The following TLN1 variants were observed in gnomAD, a reference collection of about 807,000 sequenced individuals.
The protein encoded by TLN1 is talin 1, also known as talin-1.
In TLN1, 56 loss-of-function variants were observed where a neutral mutation model predicts 292.3. That is an observed-to-expected ratio of 0.19 (90% CI 0.15 to 0.24). The LOEUF is 0.24. TLN1 is among the 10% of genes least tolerant of loss of function. TLN1 has a pLI of 1.00. For missense variants in TLN1, 2,433 were observed against 3,248.2 expected, an observed-to-expected ratio of 0.75 and a Z score of 6.10; for synonymous variants, 1,119 against 1,253.7, an observed-to-expected ratio of 0.89 and a Z score of 2.27.
In TLN1 at chr9:35,703,768, C is replaced by A; in HGVS notation, c.6357+7G>T. 1 of 1,614,216 alleles carries A rather than the reference C, an allele frequency of 6.2e-7. No individual in the cohort carries two copies. The highest frequency in any genetic ancestry group is 8.5e-7 in the Non-Finnish European group (1 of 1,180,042). ...CCCCTCCTGATGTTGCTCTCATTCTCTCCAACCTTGGCAGAGTTCTTTAGC... is the reference window on the plus strand; with the variant it reads ...CCCCTCCTGATGTTGCTCTCATTCTATCCAACCTTGGCAGAGTTCTTTAGC... On this transcript the variant is annotated splice_region_variant and intron_variant, in intron 47 of 56. Coordinates refer to ENST00000314888, the MANE Select transcript of TLN1 (RefSeq NM_006289.4).
chr9:35,698,237 A>G lies in TLN1; in HGVS notation c.7372-65T>C. 1 of 1,609,348 alleles carries G rather than the reference A, an allele frequency of 6.2e-7. No individual in the cohort carries two copies. Among genetic ancestry groups the G allele is most frequent in the Non-Finnish European group, 8.5e-7 (1 of 1,176,528 alleles). On this transcript the variant is annotated intron_variant, in intron 55 of 56. Coordinates refer to ENST00000314888, the MANE Select transcript of TLN1 (RefSeq NM_006289.4). This position sits in a 1 kb window ranked among gnomAD's most constrained non-coding sequence, Gnocchi z 5.3. ...ACGGTCCCAGTTGAGACAGTACCTC[A>G]ATTCTCTCATAGAAACATACATCTC... is the stretch of plus-strand genomic sequence containing the variant.
chr9:35,709,211 C>T (rs1361131025), intron 33 of TLN1, among the ~76,000 whole-genome samples: 2 of 152,224 alleles, frequency 1.3e-5, no homozygotes, highest in Non-Finnish European at 2.9e-5. Flanking sequence ...AGGAGAATCA[C>T]TTGAACCCGG....
chr9:35,722,340 T>TA lies in TLN1; in HGVS notation c.844-118dup. ...TGGGGACACTGGAAAGGTTGAGGAG[T>TA]ACAAGATATGAGAACGAGAGGGTAA... On this transcript the variant is annotated intron_variant, in intron 8 of 56. Coordinates refer to ENST00000314888, the MANE Select transcript of TLN1 (RefSeq NM_006289.4). 3 of 890,126 alleles carry TA rather than the reference T, an allele frequency of 3.4e-6. No homozygotes were observed. The South Asian group carries it at 4.2e-5, about 13-fold the overall frequency. The allele number at this position is 890,126 out of a possible 1,614,324, so 55.1% of individuals were successfully genotyped here.
chr9:35,725,030 G>A (rs541587786), intron 3 of TLN1, 71 bp from the exon 4 acceptor site: 18 of 1,604,240 alleles, frequency 1.1e-5, no homozygotes, highest in African/African-American at 1.1e-4. Flanking sequence ...TACACAGCCC[G>A]AGGGGAGAGA....
rs535238093 is a variant in TLN1 at position 35,731,325 on chromosome 9, G to C, written c.-34+750C>G. Among the ~76,000 whole-genome samples, 9 of 152,172 alleles carry C rather than the reference G, an allele frequency of 5.9e-5. No homozygotes were observed. The East Asian group carries it at 1.4e-3, about 23-fold the overall frequency. ...CCTCTAATTTGTTTCCTGATTCCCA[G>C]TACCGGCTTGGACATTCATCCCTTT... On this transcript the variant is annotated intron_variant, in intron 1 of 56. Coordinates refer to ENST00000314888, the MANE Select transcript of TLN1 (RefSeq NM_006289.4).
At chr9:35,723,840 A>C in intron 7 of TLN1, 112 bp downstream of exon 7, 191 of 1,431,970 alleles carry the variant, frequency 1.3e-4, no homozygotes, top group Middle Eastern at 2.0e-4. Flanking sequence ...AAACCCTGGT[A>C]CCTCGGAAGA....
At chr9:35,708,529 G>A (rs1825605290) in intron 33 of TLN1, 45 bp from the exon 34 acceptor site, 19 of 1,494,878 alleles carry the variant, frequency 1.3e-5, no homozygotes, top group Non-Finnish European at 1.7e-5. Flanking sequence ...AAGATTGCAG[G>A]TGGGAAATGA....
intron 17 of TLN1, among the ~76,000 whole-genome samples, chr9:35,718,244 C>T (rs1462068289): frequency 6.6e-6 from 1 of 152,252 alleles, no homozygotes; most frequent in Non-Finnish European, 1.5e-5. Flanking sequence ...GCCAGGCCTC[C>T]TCATCTCCCA....
chr9:35,717,901 G>T lies in TLN1; in HGVS notation c.1996-115C>A. The T allele has an allele frequency of 1.5e-6, 2 of 1,314,668 alleles. No homozygotes were observed. The highest frequency in any genetic ancestry group is 2.1e-6 in the Non-Finnish European group (2 of 967,262). The allele number at this position is 1,314,668 out of a possible 1,614,324, so 81.4% of individuals were successfully genotyped here. A position where few individuals can be genotyped will look rare whatever the true frequency, so the allele number is the denominator to read the frequency against. ...CTGATCCAATCAAAGGAGAGTGTAC[G>T]CAGAAGCAACCAGAACCTACCCCGA... On this transcript the variant is annotated intron_variant, in intron 17 of 56. Transcript: ENST00000314888. The surrounding 1 kb of genome is among the most constrained non-coding windows in gnomAD (Gnocchi z 4.7).
Position 35,716,404 on chromosome 9 carries a change from C to T in TLN1, c.2611G>A (p.Val871Ile), listed in dbSNP as rs1825783951. Reference sequence around the variant, plus strand: ...AGGCTTTGTACCTTGGCAGCCTCTACCATCTTGGCTGTGGCATCAGCTAGG... The same window carrying T: ...AGGCTTTGTACCTTGGCAGCCTCTATCATCTTGGCTGTGGCATCAGCTAGG... ...KILADATAKM[V>I]EAAKGAAAHP... Residue 871 changes from valine (V) to isoleucine (I), a missense_variant, in exon 20 of 57, where the codon GTA becomes ATA. By Grantham distance (29) the Val-to-Ile change is conservative. Around this residue, in one of 7 missense-constraint regions of TLN1, gnomAD observed 617 missense variants for 770.6 expected, o/e 0.80. Transcript: ENST00000314888. 6.2e-7 allele frequency: 1 copy of T among 1,614,106 alleles called. No homozygotes were observed. The highest frequency in any genetic ancestry group is 8.5e-7 in the Non-Finnish European group (1 of 1,180,042).
Position 35,704,798 on chromosome 9 carries a change from T to G in TLN1, c.5751A>C (p.Lys1917Asn). 4 of 1,613,962 alleles carry G rather than the reference T, an allele frequency of 2.5e-6. No individual in the cohort carries two copies. The highest frequency in any genetic ancestry group is 3.4e-6 in the Non-Finnish European group (4 of 1,179,848). Residue 1917 changes from lysine (K) to asparagine (N), a missense_variant, in exon 44 of 57, where the codon AAA (lysine) becomes AAC (asparagine). By Grantham distance (94) the Lys-to-Asn change is moderately conservative. This residue lies in a region of TLN1 where 1,384 missense variants were observed against 1,699.6 expected (regional missense o/e 0.81). Coordinates refer to ENST00000314888, the MANE Select transcript of TLN1 (RefSeq NM_006289.4). The surrounding 1 kb of genome is among the most constrained non-coding windows in gnomAD (Gnocchi z 6.9). ...AENEEIGSHIKHRVQELGHGC... is the reference protein window; with the variant it reads ...AENEEIGSHINHRVQELGHGC... ...CATGGCCCAGCTCCTGTACCCGGTGTTTGATATGGGAACCTATCTGTGAGC... is the reference window on the plus strand; with the variant it reads ...CATGGCCCAGCTCCTGTACCCGGTGGTTGATATGGGAACCTATCTGTGAGC...
chr9:35,703,397 G>T (rs980496545), intron 48 of TLN1, among the ~76,000 whole-genome samples, 163 bp downstream of exon 48: 1 of 152,144 alleles, frequency 6.6e-6, no homozygotes, highest in African/African-American at 2.4e-5. Context: ...GCTGGAGGAG[G>T]ATGGCTACAG....
chr9:35,720,624 TTTTTC>T, intron 11 of TLN1, 115 bp from the exon 12 acceptor site: 1 of 1,145,178 alleles, frequency 8.7e-7, no homozygotes, highest in Non-Finnish European at 1.3e-6. Context: ...TGTCCATTTC[TTTTTC>T]TTTTTTTTTT....
Position 35,704,528 on chromosome 9 carries a change from G to A in TLN1, c.5881-30C>T. 6.3e-7 allele frequency: 1 copy of A among 1,589,784 alleles called. No individual in the cohort carries two copies. The highest frequency in any genetic ancestry group is 1.1e-5 in the South Asian group (1 of 87,990). On this transcript the variant is annotated intron_variant, in intron 44 of 56. Coordinates refer to ENST00000314888, the MANE Select transcript of TLN1 (RefSeq NM_006289.4). The surrounding 1 kb of genome is among the most constrained non-coding windows in gnomAD (Gnocchi z 6.9). ...GTAGGGAATGTCACATGGTGACTGT[G>A]GAAGGTGCCATGTGAAATGGAAAGG...
At position 35,717,401 on chromosome 9, in the gene TLN1, G is replaced by T; in HGVS notation, c.2203C>A (p.Gln735Lys). 6 of 1,614,100 alleles carry T rather than the reference G, an allele frequency of 3.7e-6. No individual in the cohort carries two copies. The highest frequency in any genetic ancestry group is 1.7e-5 in the Admixed American group (1 of 60,030). The change falls in exon 19 of 57, where the codon CAA becomes AAA. Residue 735 changes from glutamine to lysine, a missense_variant. Gln to Lys is a moderately conservative substitution (Grantham distance 53, BLOSUM62 1). This residue lies in a region of TLN1 where 617 missense variants were observed against 770.6 expected (regional missense o/e 0.80). Coordinates refer to ENST00000314888, the MANE Select transcript of TLN1 (RefSeq NM_006289.4). The surrounding 1 kb of genome is among the most constrained non-coding windows in gnomAD (Gnocchi z 4.7). ...ACCAGTCGTCCAGCCTCCACCAGTT[G>T]CTCTTGGCAGACAGGTGAGCTGATT... ...PTISSPVCQEQLVEAGRLVAK... is the reference protein window; with the variant it reads ...PTISSPVCQEKLVEAGRLVAK...
rs1405406696 is a variant in TLN1, at chr9:35,715,120, C to T, written c.2693G>A (p.Arg898His). 3.7e-6 allele frequency: 6 copies of T among 1,613,206 alleles called. No homozygotes were observed. The highest frequency in any genetic ancestry group is 2.2e-5 in the South Asian group (2 of 91,050). ...CTGCGCAGCTGCATTGGTGGCCATG[C>T]GCAGCCCCTCAGCTGCCTCCCGCAG... ...QRLREAAEGL[R>H]MATNAAAQNA... is the part of the protein sequence containing the mutation. The change falls in exon 21 of 57, where the codon CGC becomes CAC. Residue 898 changes from arginine to histidine, a missense_variant. Arg to His is a conservative substitution (Grantham distance 29). Transcript: ENST00000314888.
At position 35,704,080 on chromosome 9, in the gene TLN1, C is replaced by A; in HGVS notation, c.6142G>T (p.Ala2048Ser). The A allele has an allele frequency of 6.2e-7, 1 of 1,613,726 alleles. No homozygotes were observed. Among genetic ancestry groups the A allele is most frequent in the Non-Finnish European group, 8.5e-7 (1 of 1,179,910 alleles). The change falls in exon 46 of 57, where the codon GCC becomes TCC. Residue 2048 changes from alanine to serine, a missense_variant. Coordinates refer to ENST00000314888, the MANE Select transcript of TLN1 (RefSeq NM_006289.4). The surrounding 1 kb of genome is among the most constrained non-coding windows in gnomAD (Gnocchi z 6.9). Reference sequence around the variant, plus strand: ...GTGATGGTCGCCACGGAGGACTGGGCAGCCTGCGCCAACTTCTCCTGGCTC... The same window carrying A: ...GTGATGGTCGCCACGGAGGACTGGGAAGCCTGCGCCAACTTCTCCTGGCTC... Reference protein sequence around the residue: ...AGSQEKLAQAAQSSVATITRL... With the variant: ...AGSQEKLAQASQSSVATITRL...
In TLN1 at chr9:35,707,834, C is replaced by T. The variant is rs756002749; in HGVS notation, c.4529G>A (p.Arg1510His). Residue 1510 changes from arginine to histidine, a missense_variant, in exon 35 of 57, where the codon CGC (arginine) becomes CAC (histidine). Arg to His is a conservative substitution (Grantham distance 29, BLOSUM62 0). Around this residue, in one of 7 missense-constraint regions of TLN1, gnomAD observed 1,384 missense variants for 1,699.6 expected, o/e 0.81. Transcript: ENST00000314888. The surrounding 1 kb of genome is among the most constrained non-coding windows in gnomAD (Gnocchi z 5.6). ...ATTGGTGGTACGGGCAGAAGCCAGG[C>T]GACAGCTGTTACACAGTGCAGAGGT... ...KHTSALCNSC[R>H]LASARTTNPT... 4.3e-6 allele frequency: 7 copies of T among 1,614,090 alleles called. No individual in the cohort carries two copies. Among genetic ancestry groups the T allele is most frequent in the Admixed American group, 3.3e-5 (2 of 60,014 alleles).
rs1353411194 is a variant in TLN1 at position 35,698,365 on chromosome 9, C to T, written c.7329G>A (p.Lys2443=). 5 of 1,614,202 alleles carry T rather than the reference C, an allele frequency of 3.1e-6. No individual in the cohort carries two copies. In the Admixed American group the frequency reaches 8.3e-5, roughly 27 times the overall value. The change falls in exon 55 of 57, where the codon AAG becomes AAA. Residue 2443 remains lysine, a synonymous_variant. Coordinates refer to ENST00000314888, the MANE Select transcript of TLN1 (RefSeq NM_006289.4). The surrounding 1 kb of genome is among the most constrained non-coding windows in gnomAD (Gnocchi z 5.3). ...ASTAQLLVAC[K]VKADQDSEAM... The stretch of plus-strand genomic sequence containing the variant: ...CCTCCGAGTCCTGGTCAGCCTTGAC[C>T]TTGCAGGCCACAAGGAGCTGGGCTG...
Sources: allele counts gnomAD v4.1 joint callset (sites outside exome capture counted in the v4.1 genomes callset), GRCh38; gene constraint gnomAD v4.1.1; regional missense constraint gnomAD v4.1.1; non-coding constraint Gnocchi (gnomAD v3.1); transcripts MANE v1.5; gene names NCBI Gene and HGNC (gene_info 2026-07-23, HGNC 2026-07-21).